The following PCDH7 variants were observed in gnomAD, a reference collection of about 807,000 sequenced individuals.
The protein encoded by PCDH7 is protocadherin-7.
In PCDH7, 17 loss-of-function variants were observed where a neutral mutation model predicts 58.9. That is an observed-to-expected ratio of 0.29 (90% CI 0.20 to 0.43). The LOEUF (loss-of-function observed/expected upper bound fraction) is 0.43, where lower values mean the gene tolerates loss of function less well. PCDH7 is among the 20% of genes least tolerant of loss of function. PCDH7 has a pLI of 1.00. For missense variants in PCDH7, 1,274 were observed against 1,441.0 expected (o/e 0.88, Z 1.88); for synonymous variants, 664 against 616.4 (o/e 1.08, Z -1.14).
At chr4:31,031,691 T>C (rs1432452223) in intron 3 of PCDH7, among the ~76,000 whole-genome samples, 1 of 152,202 alleles carries the variant, frequency 6.6e-6, no homozygotes. Context: ...AAATATTCAA[T>C]AGATTTTGTT....
At chr4:31,125,327 A>C (rs1188758924) in intron 3 of PCDH7, among the ~76,000 whole-genome samples, 1 of 152,174 alleles carries the variant, frequency 6.6e-6, no homozygotes, top group Admixed American at 6.5e-5. Flanking sequence ...CCAAGCTAAA[A>C]ATGTCCCTCT....
At chr4:30,914,762 A>G (rs571798661) in intron 1 of PCDH7, among the ~76,000 whole-genome samples, 143 of 152,276 alleles carry the variant, frequency 9.4e-4, no homozygotes, top group African/African-American at 3.3e-3. Context: ...AAACTATCTC[A>G]TTAATTCTGA....
intron 1 of PCDH7, among the ~76,000 whole-genome samples, chr4:30,889,186 G>T (rs4334715): frequency 7.1e-6 from 1 of 141,790 alleles, no homozygotes; most frequent in Non-Finnish European, 1.5e-5. Context: ...ATTTACTTTA[G>T]AACTCTTCTT....
intron 3 of PCDH7, among the ~76,000 whole-genome samples, chr4:30,963,104 A>C (rs2109462331): frequency 6.6e-6 from 1 of 152,324 alleles, no homozygotes; most frequent in Admixed American, 6.5e-5. Context: ...CATCATATGA[A>C]ACTCAAACCT....
At chr4:30,745,478 T>G (rs1717659037) in intron 1 of PCDH7, among the ~76,000 whole-genome samples, 1 of 152,142 alleles carries the variant, frequency 6.6e-6, no homozygotes, top group Non-Finnish European at 1.5e-5. Context: ...GATGACAGCT[T>G]TTAAGATACT....
chr4:31,004,513 C>G (rs1435615565), intron 3 of PCDH7, among the ~76,000 whole-genome samples: 1 of 151,978 alleles, frequency 6.6e-6, no homozygotes, highest in Non-Finnish European at 1.5e-5. Context: ...AGTTCAAGAC[C>G]AGCCTGGCCG....
chr4:30,762,075 C>A (rs1720101509), intron 1 of PCDH7, among the ~76,000 whole-genome samples: 1 of 152,082 alleles, frequency 6.6e-6, no homozygotes, highest in Non-Finnish European at 1.5e-5. Context: ...AAATAGAATT[C>A]AGAGATAATG....
At chr4:30,806,839 A>T (rs1292720452) in intron 1 of PCDH7, among the ~76,000 whole-genome samples, 1 of 151,972 alleles carries the variant, frequency 6.6e-6, no homozygotes, top group Non-Finnish European at 1.5e-5. Flanking sequence ...GCCCATGTTG[A>T]TCACACACCT....
At chr4:31,050,622 G>T (rs1756658792) in intron 3 of PCDH7, among the ~76,000 whole-genome samples, 1 of 151,996 alleles carries the variant, frequency 6.6e-6, no homozygotes, top group Admixed American at 6.6e-5. Context: ...AGATTTTATG[G>T]TAAGCATCTC....
chr4:31,141,510 G>T lies in PCDH7; in HGVS notation c.*8-963G>T, dbSNP rs116437053. On this transcript the variant is annotated intron_variant, in intron 3 of 3. Transcript: ENST00000509759. ...TCTCAAACAAAGTCTGTAAAAACAT[G>T]TTTAATATTTAGAAAATACATAACC... is the stretch of plus-strand genomic sequence containing the variant. Among the ~76,000 whole-genome samples, 826 of 152,290 alleles carry T rather than the reference G, an allele frequency of 5.4e-3. 7 individuals are homozygous for T. The highest frequency in any genetic ancestry group is 0.019 in the African/African-American group (774 of 41,564).
At chr4:31,102,695 TGAAAGGTGTA>T (rs1333767863) in intron 3 of PCDH7, among the ~76,000 whole-genome samples, 1 of 151,910 alleles carries the variant, frequency 6.6e-6, no homozygotes, top group African/African-American at 2.4e-5. Context: ...AAAAATCTTA[TGAAAGGTGTA>T]GAAAGGTGTA....
At chr4:31,006,122 A>C (rs1026219143) in intron 3 of PCDH7, among the ~76,000 whole-genome samples, 1 of 152,226 alleles carries the variant, frequency 6.6e-6, no homozygotes, top group African/African-American at 2.4e-5. Context: ...GGGACTAGTC[A>C]TGTTTTTAGA....
intron 1 of PCDH7, among the ~76,000 whole-genome samples, chr4:30,900,988 C>G (rs763628190): frequency 1.3e-5 from 2 of 152,100 alleles, no homozygotes; most frequent in African/African-American, 4.8e-5. Context: ...TTTTTGATGT[C>G]ATCTTCATTG....
At chr4:30,786,705 T>C in intron 1 of PCDH7, 1 of 946,896 alleles carries the variant, frequency 1.1e-6, no homozygotes, top group Middle Eastern at 5.4e-4. Flanking sequence ...AAAGCAGACA[T>C]ATATTTTTGT....
chr4:30,748,091 T>C (rs1191721635), intron 1 of PCDH7, among the ~76,000 whole-genome samples: 1 of 152,210 alleles, frequency 6.6e-6, no homozygotes, highest in East Asian at 1.9e-4. Flanking sequence ...TGTCAAATAT[T>C]TTGAAATGTG....
chr4:31,104,641 C>A (rs1479932703), intron 3 of PCDH7, among the ~76,000 whole-genome samples: 1 of 152,092 alleles, frequency 6.6e-6, no homozygotes, highest in East Asian at 1.9e-4. Flanking sequence ...GGACTGTGTG[C>A]CTAATAAGCT....
In PCDH7 at chr4:30,812,131, A is replaced by G. The variant is rs1228485037; in HGVS notation, c.70+87535A>G. Reference sequence around the variant, plus strand: ...TCCTGAATCTTAAAGGTCTCTGAGAATTAAAGCTTTACAACTAGACTATTT... The same window carrying G: ...TCCTGAATCTTAAAGGTCTCTGAGAGTTAAAGCTTTACAACTAGACTATTT... On this transcript the variant is annotated intron_variant, in intron 1 of 3. Transcript: ENST00000509759. Among the ~76,000 whole-genome samples the G allele has an allele frequency of 5.9e-5, 9 of 152,308 alleles. No individual in the cohort carries two copies. In the East Asian group the frequency reaches 1.4e-3, roughly 23 times the overall value.
intron 1 of PCDH7, among the ~76,000 whole-genome samples, chr4:30,916,775 T>C (rs1009431179): frequency 3.4e-4 from 51 of 152,210 alleles, no homozygotes; most frequent in Non-Finnish European, 1.5e-5. Flanking sequence ...TTTGAACCTC[T>C]ACCTATGTTC....
chr4:30,738,553 T>C (rs922092399), intron 1 of PCDH7, among the ~76,000 whole-genome samples: 1 of 152,236 alleles, frequency 6.6e-6, no homozygotes, highest in Admixed American at 6.5e-5. Flanking sequence ...TAAGCTTTCA[T>C]GGAGATTTCT....
Sources: gnomAD v4.1 joint callset for allele counts (sites outside exome capture counted in the v4.1 genomes callset) on GRCh38, gnomAD v4.1.1 for gene constraint, MANE v1.5 for transcripts, NCBI Gene and HGNC (gene_info 2026-07-23, HGNC 2026-07-21) for gene names.